CNTNAP2: variants seen among roughly 807,000 people sequenced by gnomAD.
CNTNAP2 encodes contactin-associated protein-like 2.
In CNTNAP2, 98 loss-of-function variants were observed where a neutral mutation model predicts 155.2. That is an observed-to-expected ratio of 0.63 (90% CI 0.54 to 0.75). CNTNAP2 has a LOEUF of 0.75. Ranked by LOEUF, CNTNAP2 falls within the 30% of genes least tolerant of loss-of-function variation. The pLI is 0.00. For missense variants in CNTNAP2, 1,727 were observed against 1,688.1 expected (o/e 1.02, Z -0.40); for synonymous variants, 651 against 631.2 (o/e 1.03, Z -0.47).
intron 13 of CNTNAP2, among the ~76,000 whole-genome samples, chr7:147,865,034 G>A (rs1002949529): frequency 5.3e-5 from 8 of 152,120 alleles, no homozygotes; most frequent in African/African-American, 7.2e-5. Flanking sequence ...TCCAGTTTTT[G>A]CCCATTCAGT....
intron 8 of CNTNAP2, among the ~76,000 whole-genome samples, chr7:147,260,618 T>A (rs1056987291): frequency 6.6e-6 from 1 of 152,200 alleles, no homozygotes; most frequent in Non-Finnish European, 1.5e-5. Context: ...AGAACCTGTA[T>A]AATTTTTTTC....
intron 1 of CNTNAP2, among the ~76,000 whole-genome samples, chr7:146,712,391 A>AGTAGACATATCTTATG (rs1293782028): frequency 1.5e-5 from 2 of 132,170 alleles, no homozygotes; most frequent in African/African-American, 5.5e-5. Flanking sequence ...TATACTATAT[A>AGTAGACATATCTTATG]TATAAATAAA....
rs143223541 is a variant in CNTNAP2, at chr7:147,609,783, G to A, written c.1898-29323G>A. Reference sequence around the variant, plus strand: ...TTGTTACCTACAGGAGGACATCACTGGAGAGAAACCTGAACACCCAAAAGG... The same window carrying A: ...TTGTTACCTACAGGAGGACATCACTAGAGAGAAACCTGAACACCCAAAAGG... On this transcript the variant is annotated intron_variant, in intron 12 of 23. Coordinates refer to ENST00000361727, the MANE Select transcript of CNTNAP2 (RefSeq NM_014141.6). Among the ~76,000 whole-genome samples the A allele has an allele frequency of 1.2e-3, 190 of 152,214 alleles. 2 individuals are homozygous for A. The highest frequency in any genetic ancestry group is 3.5e-3 in the South Asian group (17 of 4,818).
At chr7:148,013,194 A>G (rs1184526577) in intron 15 of CNTNAP2, 1 of 152,204 alleles carries the variant, frequency 6.6e-6, no homozygotes, top group Non-Finnish European at 1.5e-5. Flanking sequence ...AACTGACCTT[A>G]TTCAAGGTAA....
chr7:147,174,325 A>G lies in CNTNAP2; in HGVS notation c.1348+41816A>G, dbSNP rs377215386. 4.7e-4 allele frequency among the ~76,000 whole-genome samples: 71 copies of G among 152,294 alleles called. No homozygotes were observed. The South Asian group carries it at 0.013, about 28-fold the overall frequency. On this transcript the variant is annotated intron_variant, in intron 8 of 23. Transcript: ENST00000361727. Reference sequence around the variant, plus strand: ...TAAAATGAATGAATTAGCTTCAACAATGCAATTTCTTATCCAGGTATCCAT... The same window carrying G: ...TAAAATGAATGAATTAGCTTCAACAGTGCAATTTCTTATCCAGGTATCCAT...
At chr7:147,959,397 C>T (rs1052735787) in intron 14 of CNTNAP2, among the ~76,000 whole-genome samples, 2 of 152,070 alleles carry the variant, frequency 1.3e-5, no homozygotes, top group African/African-American at 4.8e-5. Context: ...GCAAGGCAAG[C>T]GAGCCCCAAA....
chr7:146,218,609 C>G lies in CNTNAP2; in HGVS notation c.97+101636C>G, dbSNP rs139102198. ...AAAAATATATATATTTCTTTTTTTTCCCCTGTGGTGAGAAATCTGTAAGGA... is the reference window on the plus strand; with the variant it reads ...AAAAATATATATATTTCTTTTTTTTGCCCTGTGGTGAGAAATCTGTAAGGA... On this transcript the variant is annotated intron_variant, in intron 1 of 23. Coordinates refer to ENST00000361727, the MANE Select transcript of CNTNAP2 (RefSeq NM_014141.6). 1.2e-3 allele frequency among the ~76,000 whole-genome samples: 186 copies of G among 151,414 alleles called. 1 individual carries two copies. Among genetic ancestry groups the G allele is most frequent in the Middle Eastern group, 3.4e-3 (1 of 294 alleles).
intron 21 of CNTNAP2, among the ~76,000 whole-genome samples, chr7:148,332,405 T>C (rs2116565043): frequency 6.6e-6 from 1 of 152,308 alleles, no homozygotes; most frequent in Admixed American, 6.5e-5. Flanking sequence ...GAGAATTGAC[T>C]GTGAATGAGC....
At chr7:147,750,180 T>C (rs1006439242) in intron 13 of CNTNAP2, among the ~76,000 whole-genome samples, 1 of 152,198 alleles carries the variant, frequency 6.6e-6, no homozygotes, top group Admixed American at 6.5e-5. Flanking sequence ...TCCGTAAAAT[T>C]TATTTTGAGC....
intron 3 of CNTNAP2, among the ~76,000 whole-genome samples, chr7:146,941,981 T>A (rs1797067371): frequency 6.6e-6 from 1 of 152,074 alleles, no homozygotes; most frequent in Admixed American, 6.6e-5. Flanking sequence ...TATTCTTATT[T>A]GTATAGAATC....
chr7:146,211,701 A>G (rs1361241464), intron 1 of CNTNAP2, among the ~76,000 whole-genome samples: 2 of 152,148 alleles, frequency 1.3e-5, no homozygotes, highest in African/African-American at 4.8e-5. Context: ...TAGCTTGGCC[A>G]CTTCAGAATT....
chr7:147,555,293 A>G (rs1192755987), intron 11 of CNTNAP2, among the ~76,000 whole-genome samples: 2 of 152,214 alleles, frequency 1.3e-5, no homozygotes, highest in African/African-American at 4.8e-5. Context: ...GATAAGCCCC[A>G]TATAAACTAT....
intron 1 of CNTNAP2, among the ~76,000 whole-genome samples, chr7:146,362,437 A>C (rs1307864963): frequency 1.3e-5 from 2 of 152,184 alleles, no homozygotes; most frequent in Non-Finnish European, 2.9e-5. Context: ...CACCTCATTC[A>C]TAAGAAGACA....
At chr7:146,548,894 G>T (rs1798073329) in intron 1 of CNTNAP2, among the ~76,000 whole-genome samples, 1 of 135,584 alleles carries the variant, frequency 7.4e-6, no homozygotes, top group South Asian at 2.4e-4. Flanking sequence ...TGGTTATGTT[G>T]TCTGTGCTTT....
chr7:147,256,602 A>G (rs1804334102), intron 8 of CNTNAP2, among the ~76,000 whole-genome samples: 1 of 152,186 alleles, frequency 6.6e-6, no homozygotes. Context: ...AATAGAAAAT[A>G]GCTCCCAAAG....
chr7:146,657,456 C>G (rs540026497), intron 1 of CNTNAP2, among the ~76,000 whole-genome samples: 15 of 152,128 alleles, frequency 9.9e-5, no homozygotes, highest in Non-Finnish European at 1.9e-4. Context: ...GTGGAGGATG[C>G]TATTTCTAGT....
At chr7:146,561,857 A>G (rs1798284357) in intron 1 of CNTNAP2, among the ~76,000 whole-genome samples, 1 of 152,160 alleles carries the variant, frequency 6.6e-6, no homozygotes, top group Non-Finnish European at 1.5e-5. Context: ...TGATGCAATC[A>G]TGGCTCACTG....
chr7:146,391,078 A>G (rs1183456560), intron 1 of CNTNAP2, among the ~76,000 whole-genome samples: 1 of 147,648 alleles, frequency 6.8e-6, no homozygotes, highest in Non-Finnish European at 1.5e-5. Flanking sequence ...AAATATATAT[A>G]TTATTATATA....
intron 3 of CNTNAP2, among the ~76,000 whole-genome samples, chr7:146,906,435 C>A (rs985306066): frequency 3.2e-4 from 48 of 152,214 alleles, no homozygotes; most frequent in African/African-American, 1.1e-3. Flanking sequence ...GTGGTTCTCC[C>A]AGCACGCAGC....
Sources: allele counts gnomAD v4.1 joint callset (sites outside exome capture counted in the v4.1 genomes callset), GRCh38; gene constraint gnomAD v4.1.1; transcripts MANE v1.5; gene names NCBI Gene and HGNC (gene_info 2026-07-23, HGNC 2026-07-21).